The following GALNT7 variants were observed in gnomAD, a reference collection of about 807,000 sequenced individuals.
The protein encoded by GALNT7 is N-acetylgalactosaminyltransferase 7.
In GALNT7, 60 loss-of-function variants were observed where a neutral mutation model predicts 82.1. The observed-to-expected ratio is 0.73, with a 90% CI of 0.59 to 0.91. GALNT7 has a LOEUF of 0.91. Ranked by LOEUF, GALNT7 falls within the 40% of genes least tolerant of loss-of-function variation. GALNT7 has a pLI of 0.00. For missense variants in GALNT7, 660 were observed against 804.2 expected (o/e 0.82, Z 2.17); for synonymous variants, 243 against 275.1 (o/e 0.88, Z 1.15).
chr4:173,300,645 C>T (rs889109585), intron 6 of GALNT7, among the ~76,000 whole-genome samples: 2 of 151,988 alleles, frequency 1.3e-5, no homozygotes, highest in African/African-American at 2.4e-5. Flanking sequence ...CCATGGTGAG[C>T]CCAGAGAGCC....
Position 173,302,278 on chromosome 4 carries a change from C to T in GALNT7, c.1266+114C>T, listed in dbSNP as rs1188333786. 15 of 724,546 alleles carry T rather than the reference C, an allele frequency of 2.1e-5. No homozygotes were observed. In the Admixed American group the frequency reaches 3.1e-4, roughly 15 times the overall value. 44.9% of individuals were successfully genotyped at this position (724,546 alleles called of 1,614,324 possible). On this transcript the variant is annotated intron_variant, in intron 7 of 11. Coordinates refer to ENST00000265000, the MANE Select transcript of GALNT7 (RefSeq NM_017423.3). The surrounding 1 kb of genome is among the most constrained non-coding windows in gnomAD (Gnocchi z 4.2). ...AAGCCCACAATTATATCATGCATTT[C>T]TCCAAATTGTATAGAATGATTTAAT...
chr4:173,205,930 G>GGTCCAGAGACAA (rs1204716110), intron 1 of GALNT7, among the ~76,000 whole-genome samples: 7 of 152,178 alleles, frequency 4.6e-5, no homozygotes, highest in African/African-American at 1.7e-4. Context: ...TCCAGAGACA[G>GGTCCAGAGACAA]CCTGCCAGGC....
At chr4:173,203,522 T>G (rs1733004483) in intron 1 of GALNT7, among the ~76,000 whole-genome samples, 1 of 152,202 alleles carries the variant, frequency 6.6e-6, no homozygotes, top group South Asian at 2.1e-4. Flanking sequence ...CCTGGTTGCT[T>G]TATAAATCCT....
chr4:173,253,089 C>A (rs1289259375), intron 2 of GALNT7, among the ~76,000 whole-genome samples: 1 of 151,984 alleles, frequency 6.6e-6, no homozygotes, highest in Non-Finnish European at 1.5e-5. Context: ...CTGGTCTCTT[C>A]TACTTGGGAG....
At chr4:173,216,145 G>A (rs1733450015) in intron 1 of GALNT7, among the ~76,000 whole-genome samples, 1 of 152,110 alleles carries the variant, frequency 6.6e-6, no homozygotes, top group Admixed American at 6.5e-5. Context: ...TGGCTTTAAA[G>A]TGAACTAATA....
intron 8 of GALNT7, among the ~76,000 whole-genome samples, chr4:173,306,179 A>G (rs987193959): frequency 4.6e-5 from 7 of 152,132 alleles, no homozygotes; most frequent in Non-Finnish European, 8.8e-5. Context: ...TGTTTTACAG[A>G]TAGACCACCG....
chr4:173,200,029 C>T (rs1278257799), intron 1 of GALNT7, among the ~76,000 whole-genome samples: 1 of 152,156 alleles, frequency 6.6e-6, no homozygotes, highest in African/African-American at 2.4e-5. Flanking sequence ...ATAAGAAAGT[C>T]TCTATTGCTG....
At chr4:173,245,858 A>G (rs1023063099) in intron 1 of GALNT7, among the ~76,000 whole-genome samples, 1 of 152,008 alleles carries the variant, frequency 6.6e-6, no homozygotes, top group Non-Finnish European at 1.5e-5. Flanking sequence ...ATGATTTCCA[A>G]AAAAACAGCC....
At chr4:173,285,353 T>A (rs921557566) in intron 2 of GALNT7, among the ~76,000 whole-genome samples, 3 of 152,252 alleles carry the variant, frequency 2.0e-5, no homozygotes, top group Non-Finnish European at 4.4e-5. Context: ...GTCTGATTCC[T>A]TTCAGCGTAG....
intron 1 of GALNT7, among the ~76,000 whole-genome samples, chr4:173,236,854 AATAAATATTCGG>A (rs1734249591): frequency 6.6e-6 from 1 of 152,220 alleles, no homozygotes; most frequent in Non-Finnish European, 1.5e-5. Context: ...GTAGACCTGT[AATAAATATTCGG>A]ATAACAGAAA....
chr4:173,312,099 G>A (rs932414575), intron 8 of GALNT7, among the ~76,000 whole-genome samples: 7 of 152,168 alleles, frequency 4.6e-5, no homozygotes, highest in African/African-American at 1.7e-4. Flanking sequence ...AGTTGCCACA[G>A]AGACTGTATA....
chr4:173,302,984 CAA>C lies in GALNT7; in HGVS notation c.1266+821_1266+822del, dbSNP rs1424625578. On this transcript the variant is annotated intron_variant, in intron 7 of 11. Coordinates refer to ENST00000265000, the MANE Select transcript of GALNT7 (RefSeq NM_017423.3). The surrounding 1 kb of genome is among the most constrained non-coding windows in gnomAD (Gnocchi z 4.2). ...GGCCAACATGGGCGGATCATGAGGT[CAA>C]GAGATCGAGACCATCCTAGCCAACA... Among the ~76,000 whole-genome samples, 2 of 152,160 alleles carry C rather than the reference CAA, an allele frequency of 1.3e-5. No individual in the cohort carries two copies. The highest frequency in any genetic ancestry group is 2.9e-5 in the Non-Finnish European group (2 of 68,022).
chr4:173,320,137 A>G lies in GALNT7; in HGVS notation c.1837-1443A>G, dbSNP rs1009959204. On this transcript the variant is annotated intron_variant, in intron 11 of 11. Coordinates refer to ENST00000265000, the MANE Select transcript of GALNT7 (RefSeq NM_017423.3). This position sits in a 1 kb window ranked among gnomAD's most constrained non-coding sequence, Gnocchi z 4.1. ...GAAAACAATGGCTACTTTTAGGAAA[A>G]TAATTCTGGAAACGTGAGGTATGGA... Among the ~76,000 whole-genome samples the G allele has an allele frequency of 1.3e-5, 2 of 152,204 alleles. No individual in the cohort carries two copies. Among genetic ancestry groups the G allele is most frequent in the African/African-American group, 4.8e-5 (2 of 41,544 alleles).
At chr4:173,272,824 T>G (rs982324718) in intron 2 of GALNT7, among the ~76,000 whole-genome samples, 30 of 152,210 alleles carry the variant, frequency 2.0e-4, no homozygotes, top group African/African-American at 7.2e-4. Context: ...CCCCAGAAAA[T>G]GTCTGTTCTG....
chr4:173,234,071 A>T (rs552721931), intron 1 of GALNT7, among the ~76,000 whole-genome samples: 1 of 152,186 alleles, frequency 6.6e-6, no homozygotes, highest in African/African-American at 2.4e-5. Flanking sequence ...CACGTTACCA[A>T]ATGCAATCCT....
At chr4:173,263,330 T>C (rs937699775) in intron 2 of GALNT7, among the ~76,000 whole-genome samples, 4 of 152,236 alleles carry the variant, frequency 2.6e-5, no homozygotes, top group African/African-American at 9.6e-5. Context: ...ATTTAATCTC[T>C]TATACTTGAT....
At chr4:173,265,948 A>G (rs1023766832) in intron 2 of GALNT7, among the ~76,000 whole-genome samples, 1 of 151,976 alleles carries the variant, frequency 6.6e-6, no homozygotes, top group Non-Finnish European at 1.5e-5. Context: ...CTCATAATAT[A>G]TTAAATGTGT....
chr4:173,229,524 A>G (rs1733954532), intron 1 of GALNT7, among the ~76,000 whole-genome samples: 1 of 152,226 alleles, frequency 6.6e-6, no homozygotes, highest in South Asian at 2.1e-4. Flanking sequence ...GAGAGAGTAT[A>G]ATAGTTAAGA....
chr4:173,246,057 A>C (rs1734620615), intron 1 of GALNT7, among the ~76,000 whole-genome samples: 1 of 152,188 alleles, frequency 6.6e-6, no homozygotes, highest in African/African-American at 2.4e-5. Flanking sequence ...ACTTGTGAAA[A>C]ACTTTGAAAT....
Sources: gnomAD v4.1 joint callset for allele counts (sites outside exome capture counted in the v4.1 genomes callset) on GRCh38, gnomAD v4.1.1 for gene constraint, Gnocchi (gnomAD v3.1) non-coding constraint, MANE v1.5 for transcripts, NCBI Gene and HGNC (gene_info 2026-07-23, HGNC 2026-07-21) for gene names.